Variants in MUC13 observed in about 807,000 individuals in gnomAD.
MUC13 encodes mucin-13.
In MUC13, 32 loss-of-function variants were observed where a neutral mutation model predicts 48.3. The ratio of observed to expected loss-of-function variants is 0.66; its 90% confidence interval spans 0.50 to 0.89. The LOEUF (loss-of-function observed/expected upper bound fraction) is 0.89, where lower values mean the gene tolerates loss of function less well. MUC13 is among the 40% of genes least tolerant of loss of function. The pLI, the probability that MUC13 is intolerant of heterozygous loss-of-function variation, is 0.00. For synonymous variants in MUC13, 199 were observed against 224.9 expected (o/e 0.88, Z 1.03); for missense variants, 571 against 622.8 (o/e 0.92, Z 0.88).
chr3:124,924,718 G>A (rs1422303618), intron 2 of MUC13, among the ~76,000 whole-genome samples: 3 of 152,088 alleles, frequency 2.0e-5, no homozygotes, highest in Non-Finnish European at 2.9e-5. Context: ...GGGTCCTGGG[G>A]GTTTAGGATG....
rs556699348 is a variant in MUC13 at position 124,927,063 on chromosome 3, A to G, written c.514+469T>C. On this transcript the variant is annotated intron_variant, in intron 2 of 11. Transcript: ENST00000616727. ...TTTCTACCCCTCAGTCTCAAATTCT[A>G]TGACTTGGCTCAAGTTCCACATTGT... 2.2e-4 allele frequency among the ~76,000 whole-genome samples: 34 copies of G among 152,274 alleles called. No homozygotes were observed. The East Asian group carries it at 6.2e-3, about 28-fold the overall frequency.
At chr3:124,918,950 G>C (rs749230268) in intron 5 of MUC13, among the ~76,000 whole-genome samples, 5 of 152,078 alleles carry the variant, frequency 3.3e-5, no homozygotes, top group Non-Finnish European at 7.4e-5. Flanking sequence ...CTTCATTCAA[G>C]ACCAAGCTAG....
chr3:124,908,113 T>C (rs762496998), intron 11 of MUC13, 34 bp downstream of exon 11: 22 of 1,610,438 alleles, frequency 1.4e-5, no homozygotes, highest in Non-Finnish European at 1.9e-5. Context: ...GTGCATTCAC[T>C]CCCAAAAGCA....
intron 5 of MUC13, among the ~76,000 whole-genome samples, chr3:124,918,204 G>A (rs1579365882): frequency 1.3e-5 from 2 of 152,162 alleles, no homozygotes; most frequent in South Asian, 4.2e-4. Context: ...GAGACAATTT[G>A]GGGCTGAAAG....
chr3:124,921,536 G>A lies in MUC13; in HGVS notation c.744+661C>T, dbSNP rs1433231280. ...GAGCTGTATTGGCTGGACATGCTCTGAGGGTCCTTCCAGAGCTAACATCTG... is the reference window on the plus strand; with the variant it reads ...GAGCTGTATTGGCTGGACATGCTCTAAGGGTCCTTCCAGAGCTAACATCTG... On this transcript the variant is annotated intron_variant, in intron 4 of 11. Transcript: ENST00000616727. 3.9e-5 allele frequency among the ~76,000 whole-genome samples: 6 copies of A among 152,146 alleles called. No homozygotes were observed. In the East Asian group the frequency reaches 1.2e-3, roughly 29 times the overall value.
In MUC13 at chr3:124,923,612, A is replaced by T; in HGVS notation, c.552T>A (p.Asp184Glu). ...TATGCAGCTTAACACATAACGAATT[A>T]TCTGCACAGGGATCATCTTGGCAAG... is the stretch of plus-strand genomic sequence containing the variant. ...SNPCQDDPCA[D>E]NSLCVKLHNT... Residue 184 changes from aspartate (D) to glutamate (E), a missense_variant, in exon 3 of 12, where the codon GAT becomes GAA. By Grantham distance (45) the Asp-to-Glu change is conservative. Coordinates refer to ENST00000616727, the MANE Select transcript of MUC13 (RefSeq NM_033049.4). 6.2e-7 allele frequency: 1 copy of T among 1,614,100 alleles called. No homozygotes were observed. The highest frequency in any genetic ancestry group is 1.7e-5 in the Admixed American group (1 of 60,018).
At chr3:124,919,147 C>A in intron 5 of MUC13, among the ~76,000 whole-genome samples, 1 of 151,568 alleles carries the variant, frequency 6.6e-6, no homozygotes, top group Non-Finnish European at 1.5e-5. Flanking sequence ...ACCAGCCTGG[C>A]CAACATGGTG....
chr3:124,934,589 A>C, intron 1 of MUC13, 72 bp downstream of exon 1: 30 of 1,002,148 alleles, frequency 3.0e-5, no homozygotes, highest in Non-Finnish European at 4.3e-5. Context: ...ATTGGTAGCT[A>C]TAGGCCTGCT....
chr3:124,923,643 C>T lies in MUC13; in HGVS notation c.521G>A (p.Ser174Asn), dbSNP rs758104082. 1 of 1,613,178 alleles carries T rather than the reference C, an allele frequency of 6.2e-7. No individual in the cohort carries two copies. The highest frequency in any genetic ancestry group is 8.5e-7 in the Non-Finnish European group (1 of 1,179,740). The change falls in exon 3 of 12, where the codon AGC becomes AAC. Residue 174 changes from serine (S) to asparagine (N), a missense_variant. By Grantham distance (46) the Ser-to-Asn change is conservative. Coordinates refer to ENST00000616727, the MANE Select transcript of MUC13 (RefSeq NM_033049.4). ...ACAGGGATCATCTTGGCAAGGATTG[C>T]TGGGACCTTAGATGGAGTAGAAAGA... ...ETSTLNSTGP[S>N]NPCQDDPCAD...
intron 4 of MUC13, among the ~76,000 whole-genome samples, chr3:124,920,634 G>C (rs549158026): frequency 1.3e-5 from 2 of 152,302 alleles, no homozygotes; most frequent in African/African-American, 4.8e-5. Context: ...CCCTGACTGA[G>C]ATCAAGTATC....
rs545889887 is a variant in MUC13, at chr3:124,932,358, G to C, written c.52+2303C>G. 1.4e-3 allele frequency among the ~76,000 whole-genome samples: 212 copies of C among 152,268 alleles called. 1 individual carries two copies. The highest frequency in any genetic ancestry group is 4.7e-3 in the African/African-American group (197 of 41,560). ...AGGCAGGTGGATCTCCTGAGGTCAA[G>C]AGTCTGAGACCAGCCTAGCCAACAT... is the stretch of plus-strand genomic sequence containing the variant. On this transcript the variant is annotated intron_variant, in intron 1 of 11. Transcript: ENST00000616727.
chr3:124,916,251 A>C (rs1026650723), intron 6 of MUC13, 66 bp downstream of exon 6: 2 of 1,247,050 alleles, frequency 1.6e-6, no homozygotes, highest in African/African-American at 3.0e-5. Flanking sequence ...ACATATAATG[A>C]AAAGGTTTAC....
intron 1 of MUC13, among the ~76,000 whole-genome samples, chr3:124,930,375 TTGTG>T (rs1935774419): frequency 6.6e-6 from 1 of 152,208 alleles, no homozygotes; most frequent in Non-Finnish European, 1.5e-5. Context: ...TAAAATACAC[TTGTG>T]TGTGTCTATG....
chr3:124,922,445 C>T lies in MUC13; in HGVS notation c.638-142G>A, dbSNP rs150070710. The T allele has an allele frequency of 3.9e-4, 425 of 1,092,986 alleles. 3 individuals carry two copies. The African/African-American group carries it at 6.0e-3, about 15-fold the overall frequency. 67.7% of individuals were successfully genotyped at this position (1,092,986 alleles called of 1,614,324 possible). On this transcript the variant is annotated intron_variant, in intron 3 of 11. Transcript: ENST00000616727. ...AAATCTGGAAATATTTTAAAAGTTA[C>T]CCATCATCCTGCCCAACCTAGCACA...
intron 11 of MUC13, among the ~76,000 whole-genome samples, chr3:124,907,240 C>T (rs531909427): frequency 1.3e-5 from 2 of 152,240 alleles, no homozygotes; most frequent in African/African-American, 4.8e-5. Flanking sequence ...CTCTTGGGCT[C>T]AAGCAATTCT....
At chr3:124,930,710 C>G in intron 1 of MUC13, among the ~76,000 whole-genome samples, 1 of 152,350 alleles carries the variant, frequency 6.6e-6, no homozygotes, top group African/African-American at 2.4e-5. Context: ...ATAATCACCA[C>G]CCCTGTCCAG....
chr3:124,934,555 T>C (rs888449923), intron 1 of MUC13, 106 bp downstream of exon 1: 7 of 768,388 alleles, frequency 9.1e-6, no homozygotes, highest in African/African-American at 5.1e-5. Flanking sequence ...ATTTATAAAA[T>C]AGACCATGTG....
At chr3:124,918,821 A>C (rs889485039) in intron 5 of MUC13, among the ~76,000 whole-genome samples, 1 of 152,168 alleles carries the variant, frequency 6.6e-6, no homozygotes, top group Non-Finnish European at 1.5e-5. Flanking sequence ...ACAGCCCTCC[A>C]GCAGCTGTCC....
chr3:124,917,915 C>A (rs1935534860), intron 5 of MUC13, among the ~76,000 whole-genome samples: 1 of 152,184 alleles, frequency 6.6e-6, no homozygotes, highest in African/African-American at 2.4e-5. Context: ...TTAAAAGAAT[C>A]TACCAGTTTA....
Sources: allele counts gnomAD v4.1 joint callset (sites outside exome capture counted in the v4.1 genomes callset), GRCh38; gene constraint gnomAD v4.1.1; transcripts MANE v1.5; gene names NCBI Gene and HGNC (gene_info 2026-07-23, HGNC 2026-07-21).